The following PKHD1L1 variants were observed in gnomAD, a reference collection of about 807,000 sequenced individuals.
PKHD1L1 encodes the protein fibrocystin-L.
A neutral mutation model predicts 462.9 loss-of-function variants in PKHD1L1; 434 were observed. The ratio of observed to expected loss-of-function variants is 0.94; its 90% CI spans 0.87 to 1.02. PKHD1L1 has a LOEUF of 1.02. Ranked by LOEUF, PKHD1L1 falls within the 50% of genes least tolerant of loss-of-function variation. The pLI is 0.00. For missense variants in PKHD1L1, 5,202 were observed against 5,096.1 expected, an observed-to-expected ratio of 1.02 and a Z score of -0.63; for synonymous variants, 1,781 against 1,750.0, an observed-to-expected ratio of 1.02 and a Z score of -0.44.
intron 2 of PKHD1L1, among the ~76,000 whole-genome samples, chr8:109,366,503 T>A (rs544928062): frequency 6.6e-6 from 1 of 152,252 alleles, no homozygotes; most frequent in Non-Finnish European, 1.5e-5. Context: ...TTATGCAAAA[T>A]GAATAAATCC....
intron 76 of PKHD1L1, among the ~76,000 whole-genome samples, chr8:109,524,562 AGGT>A (rs1163929277): frequency 2.0e-5 from 3 of 152,194 alleles, no homozygotes; most frequent in Non-Finnish European, 4.4e-5. Context: ...CTTGTGACTA[AGGT>A]CTTCAAACTA....
intron 21 of PKHD1L1, 95 bp downstream of exon 21, chr8:109,413,640 T>C: frequency 8.7e-7 from 1 of 1,145,534 alleles, no homozygotes; most frequent in African/African-American, 1.6e-5. Flanking sequence ...TTTGTTTTGG[T>C]CTGTTTGGGG....
At chr8:109,417,287 T>C (rs982466696) in intron 21 of PKHD1L1, among the ~76,000 whole-genome samples, 1 of 152,164 alleles carries the variant, frequency 6.6e-6, no homozygotes, top group Non-Finnish European at 1.5e-5. Flanking sequence ...ATTGCATGGC[T>C]GTATCAAAAC....
rs1233288227 is a variant in PKHD1L1 at position 109,491,880 on chromosome 8, A to G, written c.10122A>G (p.Arg3374=). ...IIHFTVGEGI[R]IWGNANRVRG... The stretch of plus-strand genomic sequence containing the variant: ...TTTTCTTTTTTTAAACAGGCATAAG[A>G]ATATGGGGGAATGCCAACCGAGTCC... Residue 3374 remains arginine (R), a synonymous_variant, in exon 62 of 78, where the codon AGA becomes AGG. Transcript: ENST00000378402. 1.2e-6 allele frequency: 2 copies of G among 1,601,376 alleles called. No individual in the cohort carries two copies. Among genetic ancestry groups the G allele is most frequent in the East Asian group, 4.5e-5 (2 of 44,756 alleles).
chr8:109,372,988 C>T (rs565164576), intron 2 of PKHD1L1, among the ~76,000 whole-genome samples: 1,839 of 152,114 alleles, frequency 0.012, 36 homozygotes, highest in African/African-American at 0.042. Flanking sequence ...CATCTCTGCC[C>T]AGCTTTGGTA....
Position 109,486,841 on chromosome 8 carries a change from A to C in PKHD1L1, c.9880+20A>C, listed in dbSNP as rs1442041841. 1 of 1,599,854 alleles carries C rather than the reference A, an allele frequency of 6.3e-7. No homozygotes were observed. The highest frequency in any genetic ancestry group is 2.2e-5 in the East Asian group (1 of 44,700). On this transcript the variant is annotated intron_variant, in intron 59 of 77. Coordinates refer to ENST00000378402, the MANE Select transcript of PKHD1L1 (RefSeq NM_177531.6). ...TTAAAGGTTGGTATCAATTCAGTTTATTTTTCTAAATGAGCTATAACATTA... is the reference window on the plus strand; with the variant it reads ...TTAAAGGTTGGTATCAATTCAGTTTCTTTTTCTAAATGAGCTATAACATTA...
chr8:109,422,363 C>G (rs1420303301), intron 23 of PKHD1L1, among the ~76,000 whole-genome samples: 1 of 152,172 alleles, frequency 6.6e-6, no homozygotes, highest in Non-Finnish European at 1.5e-5. Flanking sequence ...CCATCTCCCT[C>G]GTTCCATTCC....
chr8:109,465,300 G>A, intron 49 of PKHD1L1, 55 bp downstream of exon 49: 1 of 1,538,026 alleles, frequency 6.5e-7, no homozygotes, highest in Non-Finnish European at 8.8e-7. Flanking sequence ...GTTTGTGTTA[G>A]CACAGAATTG....
In PKHD1L1 at chr8:109,444,515, A is replaced by G. The variant is rs1217360803; in HGVS notation, c.4792-146A>G. 8 of 709,242 alleles carry G rather than the reference A, an allele frequency of 1.1e-5. No individual in the cohort carries two copies. The East Asian group carries it at 1.8e-4, about 16-fold the overall frequency. The allele number at this position is 709,242 out of a possible 1,614,324, so 43.9% of individuals were successfully genotyped here. ...ATTTAATCCAAGAGATGCGTTAATC[A>G]GCCCCTCCCAAATTAAATTTATGAA... On this transcript the variant is annotated intron_variant, in intron 37 of 77. Transcript: ENST00000378402.
chr8:109,445,129 G>A lies in PKHD1L1; in HGVS notation c.5260G>A (p.Val1754Ile). 2 of 1,613,910 alleles carry A rather than the reference G, an allele frequency of 1.2e-6. 1 individual carries two copies. Among genetic ancestry groups the A allele is most frequent in the South Asian group, 2.2e-5 (2 of 91,082 alleles). The change falls in exon 38 of 78, where the codon GTC (valine) becomes ATC (isoleucine). Residue 1754 changes from valine to isoleucine, a missense_variant. Val to Ile is a conservative substitution (Grantham distance 29, BLOSUM62 3). Coordinates refer to ENST00000378402, the MANE Select transcript of PKHD1L1 (RefSeq NM_177531.6). Reference sequence around the variant, plus strand: ...AAGCATCACTCCTTACATAACAGGAGTCTTCCCAAACTCTGTCATAGGATC... The same window carrying A: ...AAGCATCACTCCTTACATAACAGGAATCTTCCCAAACTCTGTCATAGGATC... ...LESITPYITGVFPNSVIGSVK... is the reference protein window; with the variant it reads ...LESITPYITGIFPNSVIGSVK...
chr8:109,412,222 A>C, intron 19 of PKHD1L1, 43 bp from the exon 20 acceptor site: 1 of 1,604,534 alleles, frequency 6.2e-7, no homozygotes, highest in Non-Finnish European at 8.5e-7. Flanking sequence ...GAAAACCAGA[A>C]CAATAAATCA....
In PKHD1L1 at chr8:109,448,139, TA is replaced by T. The variant is rs1816260407; in HGVS notation, c.5777-2del. Reference sequence around the variant, plus strand: ...TTATATTGTGTGCTTTTTTTTTTTTTAAGGTCCACCAGGAACTGAAATTGAG... The same window carrying T: ...TTATATTGTGTGCTTTTTTTTTTTTTAGGTCCACCAGGAACTGAAATTGAG... On this transcript the variant is annotated splice_polypyrimidine_tract_variant and splice_region_variant and intron_variant, in intron 38 of 77. Coordinates refer to ENST00000378402, the MANE Select transcript of PKHD1L1 (RefSeq NM_177531.6). 2 of 1,577,274 alleles carry T rather than the reference TA, an allele frequency of 1.3e-6. No individual in the cohort carries two copies. Among genetic ancestry groups the T allele is most frequent in the Non-Finnish European group, 8.6e-7 (1 of 1,162,720 alleles).
Position 109,381,406 on chromosome 8 carries a change from A to C in PKHD1L1, c.200A>C (p.Asp67Ala). The C allele has an allele frequency of 6.3e-7, 1 of 1,581,450 alleles. No individual in the cohort carries two copies. The highest frequency in any genetic ancestry group is 8.6e-7 in the Non-Finnish European group (1 of 1,161,878). ...GCAAACCAGTTTAACTATGGAGTTG[A>C]TAACGCTGAGTTGGGAAACAGTGTG... ...SQANQFNYGV[D>A]NAELGNSVQL... is the part of the protein sequence containing the mutation. Residue 67 changes from aspartate to alanine, a missense_variant, in exon 3 of 78, where the codon GAT becomes GCT. Transcript: ENST00000378402.
intron 47 of PKHD1L1, among the ~76,000 whole-genome samples, 195 bp downstream of exon 47, chr8:109,460,031 T>A (rs111898835): frequency 1.4e-4 from 21 of 151,992 alleles, no homozygotes; most frequent in African/African-American, 4.8e-4. Context: ...GAAATGCTGA[T>A]AGTATTTGTG....
At chr8:109,502,069 C>T (rs1401975491) in intron 67 of PKHD1L1, among the ~76,000 whole-genome samples, 4 of 152,130 alleles carry the variant, frequency 2.6e-5, no homozygotes, top group Non-Finnish European at 4.4e-5. Flanking sequence ...CACACCACAC[C>T]ACACCATACC....
At chr8:109,498,811 C>T (rs1169809824) in intron 67 of PKHD1L1, 40 bp downstream of exon 67, 1 of 1,480,956 alleles carries the variant, frequency 6.8e-7, no homozygotes, top group Admixed American at 1.9e-5. Flanking sequence ...CAATTAATTT[C>T]TGTAAAGAAT....
At chr8:109,443,533 A>G in intron 36 of PKHD1L1, 143 bp from the exon 37 acceptor site, 1 of 657,674 alleles carries the variant, frequency 1.5e-6, no homozygotes, top group Non-Finnish European at 2.6e-6. Context: ...GTACTGCCTA[A>G]GACCCATTTG....
At chr8:109,454,998 C>T in intron 45 of PKHD1L1, 146 bp downstream of exon 45, 1 of 1,142,386 alleles carries the variant, frequency 8.8e-7, no homozygotes, top group East Asian at 2.7e-5. Context: ...CCCTCTTTAC[C>T]CCTTCCTTCT....
At chr8:109,481,393 G>T (rs1341279711) in intron 55 of PKHD1L1, 40 bp from the exon 56 acceptor site, 5 of 1,508,862 alleles carry the variant, frequency 3.3e-6, no homozygotes, top group Non-Finnish European at 4.4e-6. Context: ...TTTTTTCCTG[G>T]TCAATTTTTA....
Sources: gnomAD v4.1 joint callset for allele counts (sites outside exome capture counted in the v4.1 genomes callset) on GRCh38, gnomAD v4.1.1 for gene constraint, MANE v1.5 for transcripts, NCBI Gene and HGNC (gene_info 2026-07-23, HGNC 2026-07-21) for gene names.